CNGB3: variants seen among roughly 807,000 people sequenced by gnomAD.
CNGB3 encodes the protein cyclic nucleotide-gated channel beta-3.
A neutral mutation model predicts 92.8 loss-of-function variants in CNGB3; 86 were observed. That is an observed-to-expected ratio of 0.93 (90% confidence interval 0.78 to 1.11). The LOEUF is 1.11. CNGB3 is among the 50% of genes least tolerant of loss of function. The pLI is 0.00. For missense variants in CNGB3, 1,026 were observed against 956.8 expected (o/e 1.07, Z -0.95); for synonymous variants, 333 against 332.7 (o/e 1.00, Z -0.01).
At chr8:86,712,024 A>T (rs1248647879) in intron 3 of CNGB3, among the ~76,000 whole-genome samples, 1 of 152,050 alleles carries the variant, frequency 6.6e-6, no homozygotes, top group African/African-American at 2.4e-5. Flanking sequence ...TTAGGCTATC[A>T]ATTAAAGTAC....
intron 6 of CNGB3, chr8:86,660,634 G>A (rs971805734): frequency 1.9e-6 from 1 of 533,688 alleles, no homozygotes; most frequent in Non-Finnish European, 3.8e-6. Context: ...TGACTAAGAT[G>A]GCATTTATTT....
intron 3 of CNGB3, among the ~76,000 whole-genome samples, chr8:86,697,289 T>C (rs1323899401): frequency 6.6e-6 from 1 of 152,240 alleles, no homozygotes; most frequent in Non-Finnish European, 1.5e-5. Context: ...ACAGATATAT[T>C]AACTATCCTA....
chr8:86,620,572 T>A (rs1192307292), intron 13 of CNGB3, among the ~76,000 whole-genome samples: 1 of 152,200 alleles, frequency 6.6e-6, no homozygotes, highest in Non-Finnish European at 1.5e-5. Flanking sequence ...TACTTTTACA[T>A]GCTTATGAGC....
intron 6 of CNGB3, chr8:86,658,020 G>A (rs1001143007): frequency 5.5e-6 from 3 of 545,790 alleles, no homozygotes; most frequent in East Asian, 4.3e-5. Flanking sequence ...GCTCCTTCAG[G>A]TCCACCTTCT....
At position 86,644,627 on chromosome 8, in the gene CNGB3, G is replaced by A; in HGVS notation, c.1050C>T (p.Ile350=). 1 of 1,600,518 alleles carries A rather than the reference G, an allele frequency of 6.2e-7. No homozygotes were observed. Among genetic ancestry groups the A allele is most frequent in the Non-Finnish European group, 8.5e-7 (1 of 1,170,984 alleles). ...HLESIMDKAY[I]YRVIRTTGYL... is the part of the protein sequence containing the mutation. Reference sequence around the variant, plus strand: ...TATACTGAGTTATACTTTACCTGTAGATATATGCTTTGTCCATTATAGACT... The same window carrying A: ...TATACTGAGTTATACTTTACCTGTAAATATATGCTTTGTCCATTATAGACT... Residue 350 remains isoleucine (I), a synonymous_variant, in exon 9 of 18, where the codon ATC becomes ATT. Transcript: ENST00000320005.
intron 15 of CNGB3, among the ~76,000 whole-genome samples, chr8:86,590,981 CAGACGT>C (rs1257652757): frequency 6.6e-6 from 1 of 152,084 alleles, no homozygotes; most frequent in Non-Finnish European, 1.5e-5. Flanking sequence ...GTACACCAAT[CAGACGT>C]AGATTTGGTC....
At chr8:86,652,890 T>C (rs35701946) in intron 7 of CNGB3, among the ~76,000 whole-genome samples, 9,310 of 152,218 alleles carry the variant, frequency 0.061, 316 homozygotes, top group South Asian at 0.12. Flanking sequence ...AAGCTAGTAA[T>C]ATAGTTGTTT....
At chr8:86,647,499 A>G (rs1823311700) in intron 8 of CNGB3, among the ~76,000 whole-genome samples, 1 of 151,072 alleles carries the variant, frequency 6.6e-6, no homozygotes, top group African/African-American at 2.4e-5. Context: ...AAAGTATAAA[A>G]TACTCATTTG....
chr8:86,691,473 A>C (rs1824312623), intron 3 of CNGB3, among the ~76,000 whole-genome samples: 1 of 152,076 alleles, frequency 6.6e-6, no homozygotes, highest in Admixed American at 6.6e-5. Flanking sequence ...AATGCTTTCA[A>C]CTTTTCCCCA....
At chr8:86,673,302 T>A (rs1823901140) in intron 3 of CNGB3, among the ~76,000 whole-genome samples, 1 of 152,178 alleles carries the variant, frequency 6.6e-6, no homozygotes, top group African/African-American at 2.4e-5. Flanking sequence ...GACCAGCATA[T>A]CTTTGACAGA....
intron 10 of CNGB3, among the ~76,000 whole-genome samples, chr8:86,640,648 G>A (rs377162060): frequency 3.9e-5 from 6 of 152,140 alleles, no homozygotes; most frequent in African/African-American, 1.2e-4. Flanking sequence ...TTGAGGTGTT[G>A]CGTGATTCTA....
In CNGB3 at chr8:86,673,237, A is replaced by G. The variant is rs532550570; in HGVS notation, c.339-2139T>C. Among the ~76,000 whole-genome samples the G allele has an allele frequency of 1.1e-4, 16 of 152,334 alleles. No individual in the cohort carries two copies. The South Asian group carries it at 1.4e-3, about 14-fold the overall frequency. On this transcript the variant is annotated intron_variant, in intron 3 of 17. Transcript: ENST00000320005. ...TGCAAAGTACTTTGCTCCACACTGA[A>G]TTTAGCCTGGGGTGTCAAGGAGGGG...
chr8:86,615,042 A>G (rs1822590378), intron 13 of CNGB3, among the ~76,000 whole-genome samples: 1 of 152,212 alleles, frequency 6.6e-6, no homozygotes, highest in African/African-American at 2.4e-5. Context: ...AACGAAAAAT[A>G]CGGTATAACT....
chr8:86,598,670 T>C (rs997151254), intron 15 of CNGB3, among the ~76,000 whole-genome samples: 10 of 152,176 alleles, frequency 6.6e-5, no homozygotes, highest in Non-Finnish European at 1.3e-4. Context: ...CTGCCAGGCA[T>C]TTCTTGGCTA....
At chr8:86,661,007 C>T (rs540071342) in intron 6 of CNGB3, among the ~76,000 whole-genome samples, 13 of 152,238 alleles carry the variant, frequency 8.5e-5, no homozygotes, top group African/African-American at 2.6e-4. Context: ...CCTCTCAGAT[C>T]GCCTCCTCCC....
intron 10 of CNGB3, among the ~76,000 whole-genome samples, chr8:86,633,876 C>T (rs1203046503): frequency 2.6e-5 from 4 of 152,224 alleles, no homozygotes; most frequent in South Asian, 4.1e-4. Flanking sequence ...TTATTGAATA[C>T]GTAAACCATG....
At chr8:86,662,357 G>T (rs1823658720) in intron 6 of CNGB3, among the ~76,000 whole-genome samples, 1 of 151,990 alleles carries the variant, frequency 6.6e-6, no homozygotes, top group Admixed American at 6.5e-5. Flanking sequence ...AAGTTCCTAG[G>T]GTAGATAAAT....
At chr8:86,731,692 T>G (rs1489751985) in intron 2 of CNGB3, among the ~76,000 whole-genome samples, 1 of 152,204 alleles carries the variant, frequency 6.6e-6, no homozygotes, top group East Asian at 1.9e-4. Context: ...TAGGTGACTC[T>G]GGATAAGTCT....
intron 8 of CNGB3, among the ~76,000 whole-genome samples, chr8:86,645,409 C>A (rs1439432221): frequency 6.6e-6 from 1 of 151,234 alleles, no homozygotes; most frequent in Non-Finnish European, 1.5e-5. Context: ...CTACCACTTA[C>A]TACTGTGTAA....
Sources: allele counts gnomAD v4.1 joint callset (sites outside exome capture counted in the v4.1 genomes callset), GRCh38; gene constraint gnomAD v4.1.1; transcripts MANE v1.5; gene names NCBI Gene and HGNC (gene_info 2026-07-23, HGNC 2026-07-21).